The following RNF182 variants were observed in gnomAD, a reference collection of about 807,000 sequenced individuals.
The protein encoded by RNF182 is E3 ubiquitin-protein ligase RNF182.
Under a neutral mutation model 14.4 loss-of-function variants are expected in RNF182, and 15 were observed. The observed-to-expected ratio is 1.04, with a 90% CI of 0.70 to 1.60. The LOEUF (loss-of-function observed/expected upper bound fraction) is 1.60, where lower values mean the gene tolerates loss of function less well. Among genes scored for constraint, RNF182 ranks in the 40% most tolerant of loss-of-function variants. The pLI, the probability that RNF182 is intolerant of heterozygous loss-of-function variation, is 0.00. For missense variants in RNF182, 268 were observed against 294.8 expected, an observed-to-expected ratio of 0.91 and a Z score of 0.67; for synonymous variants, 128 against 122.9, an observed-to-expected ratio of 1.04 and a Z score of -0.27.
intron 1 of RNF182, among the ~76,000 whole-genome samples, chr6:13,959,068 T>C (rs1166802154): frequency 2.6e-5 from 4 of 152,200 alleles, no homozygotes; most frequent in African/African-American, 9.6e-5. Flanking sequence ...CCTGAGATCC[T>C]CTTCATATGC....
At chr6:13,926,789 G>A (rs1486186171) in intron 1 of RNF182, among the ~76,000 whole-genome samples, 1 of 136,518 alleles carries the variant, frequency 7.3e-6, no homozygotes, top group Non-Finnish European at 1.5e-5. Context: ...GTGTGTGTGT[G>A]TGTTTTTTTT....
chr6:13,946,905 T>C (rs1759452841), intron 1 of RNF182, among the ~76,000 whole-genome samples: 1 of 152,176 alleles, frequency 6.6e-6, no homozygotes, highest in Non-Finnish European at 1.5e-5. Flanking sequence ...ATGGTGAAGG[T>C]CATTCAAAAC....
At chr6:13,968,154 T>C (rs1350131924) in intron 1 of RNF182, among the ~76,000 whole-genome samples, 1 of 152,186 alleles carries the variant, frequency 6.6e-6, no homozygotes, top group Non-Finnish European at 1.5e-5. Flanking sequence ...CATATATTAG[T>C]TGGTCTTTGA....
At chr6:13,936,755 G>A (rs544420826) in intron 1 of RNF182, among the ~76,000 whole-genome samples, 1 of 152,346 alleles carries the variant, frequency 6.6e-6, no homozygotes, top group South Asian at 2.1e-4. Flanking sequence ...TGGGATTTGG[G>A]AATAATTGAT....
Position 13,977,904 on chromosome 6 carries a change from TTGAG to T in RNF182, c.*44_*47del, listed in dbSNP as rs750779906. ...AGAAATTGGACACACATTGCCCTGT[TTGAG>T]TGTGAAGTTAGATAATTTATAATTT... On this transcript the variant is annotated 3_prime_UTR_variant, in exon 3 of 3. Transcript: ENST00000488300. 11 of 1,533,268 alleles carry T rather than the reference TTGAG, an allele frequency of 7.2e-6. No individual in the cohort carries two copies. The highest frequency in any genetic ancestry group is 1.8e-4 in the Middle Eastern group (1 of 5,648). 95.0% of individuals were successfully genotyped at this position (1,533,268 alleles called of 1,614,324 possible). A position where few individuals can be genotyped will look rare whatever the true frequency, so the allele number is the denominator to read the frequency against.
At chr6:13,945,135 T>C (rs1473136259) in intron 1 of RNF182, among the ~76,000 whole-genome samples, 2 of 152,182 alleles carry the variant, frequency 1.3e-5, no homozygotes. Flanking sequence ...CCCTGTTATG[T>C]TGGAGCTGGA....
Position 13,947,646 on chromosome 6 carries a change from T to C in RNF182, c.-367+22623T>C, listed in dbSNP as rs375461021. On this transcript the variant is annotated intron_variant, in intron 1 of 2. Transcript: ENST00000488300. The stretch of plus-strand genomic sequence containing the variant: ...TCTCTCCTCTGGATGTCCCAAGATA[T>C]TTGGGGCTCCTGGGCCTGTCAGAAA... Among the ~76,000 whole-genome samples the C allele has an allele frequency of 5.3e-5, 8 of 152,152 alleles. No homozygotes were observed. The East Asian group carries it at 1.2e-3, about 22-fold the overall frequency.
chr6:13,953,461 T>G (rs1759645453), intron 1 of RNF182, among the ~76,000 whole-genome samples: 1 of 151,928 alleles, frequency 6.6e-6, no homozygotes, highest in Non-Finnish European at 1.5e-5. Context: ...TGGGTGAGGA[T>G]GGGATTTTGG....
chr6:13,962,339 A>C (rs1430743170), intron 1 of RNF182, among the ~76,000 whole-genome samples: 1 of 152,230 alleles, frequency 6.6e-6, no homozygotes, highest in African/African-American at 2.4e-5. Flanking sequence ...AGAGATGGCA[A>C]GCATGTGTAC....
At chr6:13,968,568 G>A (rs1760094895) in intron 1 of RNF182, among the ~76,000 whole-genome samples, 1 of 152,126 alleles carries the variant, frequency 6.6e-6, no homozygotes, top group Non-Finnish European at 1.5e-5. Flanking sequence ...TAAGCATACA[G>A]TTAATACCAA....
At chr6:13,948,816 G>C (rs2113610083) in intron 1 of RNF182, among the ~76,000 whole-genome samples, 1 of 152,262 alleles carries the variant, frequency 6.6e-6, no homozygotes, top group African/African-American at 2.4e-5. Context: ...ATAGAGGGAA[G>C]AGTTAGCTTT....
intron 1 of RNF182, among the ~76,000 whole-genome samples, chr6:13,964,605 C>G (rs1240664717): frequency 6.6e-6 from 1 of 152,144 alleles, no homozygotes; most frequent in Non-Finnish European, 1.5e-5. Context: ...AAGTGAAACC[C>G]CAAGCTTTGT....
intron 1 of RNF182, among the ~76,000 whole-genome samples, chr6:13,949,900 A>G (rs1486698615): frequency 1.3e-5 from 2 of 152,208 alleles, no homozygotes; most frequent in Non-Finnish European, 2.9e-5. Context: ...ATTTATGGAA[A>G]AACTAAACAA....
intron 1 of RNF182, among the ~76,000 whole-genome samples, chr6:13,932,685 C>A (rs1340657353): frequency 5.3e-5 from 8 of 152,144 alleles, no homozygotes; most frequent in African/African-American, 1.9e-4. Flanking sequence ...TAAATCATAT[C>A]TGAAATCTAT....
Position 13,978,115 on chromosome 6 carries a change from A to G in RNF182, c.*252A>G. 2 of 424,792 alleles carry G rather than the reference A, an allele frequency of 4.7e-6. No individual in the cohort carries two copies. The highest frequency in any genetic ancestry group is 8.7e-6 in the Non-Finnish European group (2 of 228,764). The allele number at this position is 424,792 out of a possible 1,614,324, so 26.3% of individuals were successfully genotyped here. A position where few individuals can be genotyped will look rare whatever the true frequency, so the allele number is the denominator to read the frequency against. On this transcript the variant is annotated 3_prime_UTR_variant, in exon 3 of 3. Coordinates refer to ENST00000488300, the MANE Select transcript of RNF182 (RefSeq NM_152737.4). ...TGACAGCAGTGAGTCTTCCCAGAGA[A>G]AGGACAGGGTTTCTCTCAGCACTGC...
intron 2 of RNF182, among the ~76,000 whole-genome samples, chr6:13,975,527 T>C (rs1291941309): frequency 6.6e-6 from 1 of 152,218 alleles, no homozygotes; most frequent in Non-Finnish European, 1.5e-5. Flanking sequence ...ATTGACTTCT[T>C]TTTGCCACCA....
At chr6:13,971,417 C>T (rs1166326427) in intron 1 of RNF182, among the ~76,000 whole-genome samples, 4 of 152,170 alleles carry the variant, frequency 2.6e-5, no homozygotes, top group Non-Finnish European at 5.9e-5. Flanking sequence ...TCCATTAACC[C>T]TCTTTTTCTT....
rs181142276 is a variant in RNF182, at chr6:13,930,465, C to T, written c.-367+5442C>T. On this transcript the variant is annotated intron_variant, in intron 1 of 2. Coordinates refer to ENST00000488300, the MANE Select transcript of RNF182 (RefSeq NM_152737.4). ...CGGGGTTATCCTCAACCTGGGCTCA[C>T]CTGCTCTTTCCTAGGCTACCTCTTA... 2.0e-4 allele frequency among the ~76,000 whole-genome samples: 30 copies of T among 152,306 alleles called. No homozygotes were observed. In the East Asian group the frequency reaches 5.6e-3, roughly 28 times the overall value.
chr6:13,962,846 A>G (rs1759915524), intron 1 of RNF182, among the ~76,000 whole-genome samples: 1 of 152,242 alleles, frequency 6.6e-6, no homozygotes, highest in Non-Finnish European at 1.5e-5. Context: ...ATGAAACTGT[A>G]TATGAAATAT....
Sources: allele counts gnomAD v4.1 joint callset (sites outside exome capture counted in the v4.1 genomes callset), GRCh38; gene constraint gnomAD v4.1.1; transcripts MANE v1.5; gene names NCBI Gene and HGNC (gene_info 2026-07-23, HGNC 2026-07-21).